LAIR1: variants seen among roughly 807,000 people sequenced by gnomAD.
The protein encoded by LAIR1 is leukocyte associated immunoglobulin like receptor 1, also known as leukocyte-associated immunoglobulin-like receptor 1.
A neutral mutation model predicts 32.8 loss-of-function variants in LAIR1; 24 were observed. The ratio of observed to expected loss-of-function variants is 0.73; its 90% CI spans 0.53 to 1.03. LAIR1 has a LOEUF of 1.03. Ranked by LOEUF, LAIR1 falls within the 50% of genes least tolerant of loss-of-function variation. The pLI, the probability that LAIR1 is intolerant of heterozygous loss-of-function variation, is 0.00. For synonymous variants in LAIR1, 150 were observed against 140.5 expected (o/e 1.07, Z -0.48); for missense variants, 355 against 347.5 (o/e 1.02, Z -0.17).
At chr19:54,356,063 C>T (rs189113807) in intron 8 of LAIR1, 57 bp from the exon 9 acceptor site, 31 of 1,401,332 alleles carry the variant, frequency 2.2e-5, no homozygotes, top group Non-Finnish European at 3.1e-5. Context: ...GGCAAATCTG[C>T]CTGAGACCCC....
Position 54,356,087 on chromosome 19 carries a change from C to T in LAIR1, c.665-81G>A, listed in dbSNP as rs972479039. On this transcript the variant is annotated intron_variant, in intron 8 of 9. Coordinates refer to ENST00000391742, the MANE Select transcript of LAIR1 (RefSeq NM_002287.6). ...GCCTGAGACCCCCACCCCCAGCTTC[C>T]GATGACATCCTGCACCCAATGTATA... is the stretch of plus-strand genomic sequence containing the variant. The T allele has an allele frequency of 3.3e-5, 44 of 1,319,988 alleles. No individual in the cohort carries two copies. In the Admixed American group the frequency reaches 5.9e-4, roughly 18 times the overall value. The allele number at this position is 1,319,988 out of a possible 1,614,324, so 81.8% of individuals were successfully genotyped here. A position where few individuals can be genotyped will look rare whatever the true frequency, so the allele number is the denominator to read the frequency against.
chr19:54,361,125 G>A lies in LAIR1; in HGVS notation c.155C>T (p.Pro52Leu), dbSNP rs149119852. The change falls in exon 3 of 10, where the codon CCG becomes CTG. Residue 52 changes from proline (P) to leucine (L), a missense_variant. Coordinates refer to ENST00000391742, the MANE Select transcript of LAIR1 (RefSeq NM_002287.6). ...CAGGCGGAATGTTTGAACCCCAACC[G>A]GGCCCCGGCACACGAAAGTCACATG... ...GSHVTFVCRGPVGVQTFRLER... is the reference protein window; with the variant it reads ...GSHVTFVCRGLVGVQTFRLER... 24 of 1,613,994 alleles carry A rather than the reference G, an allele frequency of 1.5e-5. No individual in the cohort carries two copies. The highest frequency in any genetic ancestry group is 9.3e-5 in the African/African-American group (7 of 74,908).
rs1417735669 is a variant in LAIR1 at position 54,358,223 on chromosome 19, AT to A, written c.416-1258del. ...ACATAATGTATACATAATAGATAAT[AT>A]ATTTACATTAATACCTATATTTATT... On this transcript the variant is annotated intron_variant, in intron 4 of 9. Transcript: ENST00000391742. 2.1e-5 allele frequency: 3 copies of A among 144,394 alleles called. No individual in the cohort carries two copies. The Admixed American group carries it at 2.1e-4, about 10-fold the overall frequency. The allele number at this position is 144,394 out of a possible 1,614,324, so 8.9% of individuals were successfully genotyped here.
chr19:54,356,673 G>A (rs2081729613), intron 5 of LAIR1, 54 bp from the exon 6 acceptor site: 7 of 1,548,534 alleles, frequency 4.5e-6, no homozygotes, highest in Non-Finnish European at 6.2e-6. Context: ...AGCACCTACT[G>A]TATACCACAC....
At chr19:54,370,904 G>A (rs1448341321), upstream of LAIR1, among the ~76,000 whole-genome samples, 1 of 150,504 alleles carries the variant, frequency 6.6e-6, no homozygotes, top group Non-Finnish European at 1.5e-5. Context: ...AAGCCATGCT[G>A]TGAGTATTTA....
At chr19:54,370,198 T>C in intron 1 of LAIR1, 1 of 746,922 alleles carries the variant, frequency 1.3e-6, no homozygotes, top group South Asian at 1.5e-5. Context: ...CCTTCCTGCC[T>C]GGGAGGACCC....
chr19:54,356,410 C>G lies in LAIR1; in HGVS notation c.584-12G>C, dbSNP rs746805058. 13 of 1,601,228 alleles carry G rather than the reference C, an allele frequency of 8.1e-6. No homozygotes were observed. In the East Asian group the frequency reaches 2.9e-4, roughly 36 times the overall value. On this transcript the variant is annotated splice_polypyrimidine_tract_variant and intron_variant, in intron 6 of 9. Coordinates refer to ENST00000391742, the MANE Select transcript of LAIR1 (RefSeq NM_002287.6). ...GCTTCTGGGGGGCCCTAAGGACAGT[C>G]GGGGTGTGAATTAAGGAGACCTTCT...
chr19:54,367,757 AT>A (rs1255968091), upstream of LAIR1, among the ~76,000 whole-genome samples: 9 of 133,740 alleles, frequency 6.7e-5, no homozygotes, highest in African/African-American at 2.5e-4. Context: ...AAAAATATAT[AT>A]TTTTTTTAAT....
chr19:54,365,146 G>T, upstream of LAIR1: 1 of 944,644 alleles, frequency 1.1e-6, no homozygotes, highest in Non-Finnish European at 1.3e-6. Flanking sequence ...CTTGGACGCC[G>T]TCCCAACTCC....
At chr19:54,367,806 C>T (rs1390384314), upstream of LAIR1, among the ~76,000 whole-genome samples, 2 of 144,530 alleles carry the variant, frequency 1.4e-5, no homozygotes, top group African/African-American at 5.2e-5. Flanking sequence ...CGCTCTGTCG[C>T]CCAGGCCGGA....
chr19:54,372,309 C>T (rs577968376), upstream of LAIR1, among the ~76,000 whole-genome samples: 2 of 150,960 alleles, frequency 1.3e-5, no homozygotes, highest in Non-Finnish European at 2.9e-5. Context: ...GTATTGTCTG[C>T]GTTTTAGAAT....
At chr19:54,371,773 C>A (rs1260597488), upstream of LAIR1, among the ~76,000 whole-genome samples, 1 of 151,490 alleles carries the variant, frequency 6.6e-6, no homozygotes, top group African/African-American at 2.4e-5. Context: ...TTTGTTCCTG[C>A]GTTTCTCCAT....
In LAIR1 at chr19:54,364,286, A is replaced by G. The variant is rs1219842367; in HGVS notation, c.70+9T>C. 9 of 1,612,896 alleles carry G rather than the reference A, an allele frequency of 5.6e-6. No homozygotes were observed. Among genetic ancestry groups the G allele is most frequent in the South Asian group, 1.1e-5 (1 of 91,058 alleles). ...GGGACTGGGAAGATGGGACGAAGGC[A>G]TGACTTACCCTCCTGCGTGTGGATG... is the stretch of plus-strand genomic sequence containing the variant. On this transcript the variant is annotated intron_variant, in intron 2 of 9. Coordinates refer to ENST00000391742, the MANE Select transcript of LAIR1 (RefSeq NM_002287.6). This position sits in a 1 kb window ranked among gnomAD's most constrained non-coding sequence, Gnocchi z 4.8.
upstream of LAIR1, among the ~76,000 whole-genome samples, chr19:54,368,930 G>A (rs1297432686): frequency 6.0e-5 from 9 of 150,936 alleles, no homozygotes; most frequent in Non-Finnish European, 1.2e-4. Flanking sequence ...CAGGTGATCC[G>A]CCCACCTTGG....
At chr19:54,359,523 C>T (rs2070987403) in intron 4 of LAIR1, among the ~76,000 whole-genome samples, 1 of 151,910 alleles carries the variant, frequency 6.6e-6, no homozygotes, top group Non-Finnish European at 1.5e-5. Context: ...CAGCCCCGTC[C>T]CTCTCCGGGT....
In LAIR1 at chr19:54,355,151, G is replaced by T; in HGVS notation, c.*117C>A. The T allele has an allele frequency of 9.7e-7, 1 of 1,025,720 alleles. No homozygotes were observed. The highest frequency in any genetic ancestry group is 1.4e-6 in the Non-Finnish European group (1 of 698,458). 63.5% of individuals were successfully genotyped at this position (1,025,720 alleles called of 1,614,324 possible). A position where few individuals can be genotyped will look rare whatever the true frequency, so the allele number is the denominator to read the frequency against. Reference sequence around the variant, plus strand: ...TCCAGCTCTTGTCTCCAGGACAGCTGCCTGGCTGGCTTTCTAGATGAAGAG... The same window carrying T: ...TCCAGCTCTTGTCTCCAGGACAGCTTCCTGGCTGGCTTTCTAGATGAAGAG... On this transcript the variant is annotated 3_prime_UTR_variant, in exon 10 of 10. Coordinates refer to ENST00000391742, the MANE Select transcript of LAIR1 (RefSeq NM_002287.6). The surrounding 1 kb of genome is among the most constrained non-coding windows in gnomAD (Gnocchi z 4.7).
intron 4 of LAIR1, chr19:54,358,045 CAT>C (rs1233394083): frequency 6.2e-5 from 9 of 146,246 alleles, no homozygotes; most frequent in South Asian, 2.2e-4. Context: ...GTAATCTTGA[CAT>C]ATACATATAA....
At chr19:54,356,113 A>T (rs531340139) in intron 8 of LAIR1, 107 bp from the exon 9 acceptor site, 316 of 1,340,732 alleles carry the variant, frequency 2.4e-4, no homozygotes, top group Admixed American at 9.3e-4. Flanking sequence ...CCAATGTATA[A>T]TACGACCTTC....
chr19:54,358,058 T>C (rs1421259296), intron 4 of LAIR1: 1 of 146,860 alleles, frequency 6.8e-6, no homozygotes, highest in Non-Finnish European at 1.5e-5. Context: ...ATACATATAA[T>C]TTAATGTATA....
Sources: allele counts gnomAD v4.1 joint callset (sites outside exome capture counted in the v4.1 genomes callset), GRCh38; gene constraint gnomAD v4.1.1; non-coding constraint Gnocchi (gnomAD v3.1); transcripts MANE v1.5; gene names NCBI Gene and HGNC (gene_info 2026-07-23, HGNC 2026-07-21).